LNPK: variants seen among roughly 807,000 people sequenced by gnomAD.
LNPK encodes lunapark, ER junction formation factor.
Under a neutral mutation model 55.2 loss-of-function variants are expected in LNPK, and 29 were observed. The observed-to-expected ratio is 0.53, with a 90% confidence interval of 0.39 to 0.72. The LOEUF is 0.72. LNPK is among the 30% of genes least tolerant of loss of function. LNPK has a pLI of 0.00. For missense variants in LNPK, 467 were observed against 494.8 expected (o/e 0.94, Z 0.53); for synonymous variants, 162 against 168.2 (o/e 0.96, Z 0.29).
intron 5 of LNPK, among the ~76,000 whole-genome samples, chr2:175,971,994 C>T (rs1362872818): frequency 1.3e-5 from 2 of 152,184 alleles, no homozygotes; most frequent in Non-Finnish European, 2.9e-5. Flanking sequence ...TCTCGGCTCA[C>T]TGCAGCCTCT....
At chr2:175,974,539 A>G (rs1686813170) in intron 5 of LNPK, among the ~76,000 whole-genome samples, 1 of 152,168 alleles carries the variant, frequency 6.6e-6, no homozygotes, top group Non-Finnish European at 1.5e-5. Flanking sequence ...TGAAATTTGA[A>G]TTTCATATAA....
chr2:175,938,136 T>C lies in LNPK; in HGVS notation c.883+177A>G, dbSNP rs78063275. On this transcript the variant is annotated intron_variant, in intron 11 of 12. Coordinates refer to ENST00000272748, the MANE Select transcript of LNPK (RefSeq NM_030650.3). ...ACTGGCCTAGGGGCTGTACATTATA[T>C]AGGAAGAAACCTGAATTGTCTTCCC... Among the ~76,000 whole-genome samples, 135 of 152,280 alleles carry C rather than the reference T, an allele frequency of 8.9e-4. 2 individuals carry two copies. In the East Asian group the frequency reaches 0.024, roughly 27 times the overall value.
At chr2:175,967,659 T>C in intron 6 of LNPK, 1 of 984,772 alleles carries the variant, frequency 1.0e-6, no homozygotes, top group Non-Finnish European at 1.2e-6. Flanking sequence ...GAAAATACTG[T>C]CTGGTATCCC....
chr2:175,943,463 CA>C (rs1027385786), intron 9 of LNPK, among the ~76,000 whole-genome samples: 33 of 151,708 alleles, frequency 2.2e-4, no homozygotes, highest in Admixed American at 1.0e-3. Flanking sequence ...AAAAAATAAA[CA>C]AAAAAACCAC....
At chr2:175,938,638 C>A in intron 10 of LNPK, 1 of 257,650 alleles carries the variant, frequency 3.9e-6, no homozygotes, top group Non-Finnish European at 7.3e-6. Context: ...ATGAATATAT[C>A]TTTATTAAAT....
At chr2:175,969,359 T>C (rs1329327390) in intron 6 of LNPK, among the ~76,000 whole-genome samples, 4 of 152,218 alleles carry the variant, frequency 2.6e-5, no homozygotes, top group Non-Finnish European at 5.9e-5. Context: ...ATTTAAAAAG[T>C]AGTAAATAGC....
chr2:175,967,557 C>G (rs1294095930), intron 6 of LNPK: 8 of 742,408 alleles, frequency 1.1e-5, no homozygotes, highest in African/African-American at 1.9e-5. Context: ...TGTAAGAAAA[C>G]TTTCTTTCAT....
intron 8 of LNPK, among the ~76,000 whole-genome samples, chr2:175,957,397 A>G (rs1685748943): frequency 6.6e-6 from 1 of 151,732 alleles, no homozygotes; most frequent in South Asian, 2.1e-4. Context: ...CCAGCCACCT[A>G]CCTATGTCTT....
chr2:175,989,939 C>A (rs1475773211), intron 4 of LNPK, among the ~76,000 whole-genome samples: 1 of 152,132 alleles, frequency 6.6e-6, no homozygotes, highest in African/African-American at 2.4e-5. Flanking sequence ...GATCCATGAC[C>A]TTTCCAGTAA....
intron 5 of LNPK, among the ~76,000 whole-genome samples, chr2:175,978,852 G>A (rs1004687970): frequency 2.0e-5 from 3 of 152,138 alleles, no homozygotes; most frequent in Admixed American, 6.5e-5. Context: ...AGTAGGAAGA[G>A]AAGGAGGAGC....
intron 9 of LNPK, among the ~76,000 whole-genome samples, chr2:175,943,343 A>C (rs71421538): frequency 0.011 from 1,711 of 152,072 alleles, 16 homozygotes; most frequent in Non-Finnish European, 0.018. Context: ...CCAATTCTAC[A>C]CAAATTGTCC....
At chr2:175,939,882 G>A in intron 9 of LNPK, 1 of 358,318 alleles carries the variant, frequency 2.8e-6, no homozygotes, top group Non-Finnish European at 5.0e-6. Context: ...ACCTTTGCTA[G>A]TAGATTCTGT....
At chr2:175,976,273 C>T (rs1686908991) in intron 5 of LNPK, among the ~76,000 whole-genome samples, 1 of 152,124 alleles carries the variant, frequency 6.6e-6, no homozygotes, top group Non-Finnish European at 1.5e-5. Flanking sequence ...AGCAATTGTG[C>T]AAGCAAGAGA....
At chr2:175,956,746 C>G (rs1685714063) in intron 8 of LNPK, among the ~76,000 whole-genome samples, 1 of 152,112 alleles carries the variant, frequency 6.6e-6, no homozygotes, top group Admixed American at 6.5e-5. Flanking sequence ...GTCTTTATTT[C>G]CCTCATAATC....
chr2:175,953,208 C>A (rs1685505445), intron 8 of LNPK, among the ~76,000 whole-genome samples: 1 of 152,074 alleles, frequency 6.6e-6, no homozygotes, highest in South Asian at 2.1e-4. Flanking sequence ...CTTTCTTCAT[C>A]TACTCTTAAA....
chr2:175,997,765 T>C (rs906329506), intron 1 of LNPK, among the ~76,000 whole-genome samples: 13 of 151,152 alleles, frequency 8.6e-5, no homozygotes, highest in Non-Finnish European at 1.9e-4. Flanking sequence ...TGAGACAGGG[T>C]CTCACTGACA....
chr2:175,968,806 A>C (rs1686503791), intron 6 of LNPK, among the ~76,000 whole-genome samples: 1 of 152,106 alleles, frequency 6.6e-6, no homozygotes, highest in African/African-American at 2.4e-5. Context: ...CTTTTAATAA[A>C]ATATCAAGTA....
At chr2:175,995,721 TA>T in intron 1 of LNPK, 75 bp from the exon 2 acceptor site, 1 of 399,000 alleles carries the variant, frequency 2.5e-6, no homozygotes, top group Non-Finnish European at 4.6e-6. Context: ...CAATACTGCC[TA>T]AAAAATGTTA....
At chr2:175,941,536 T>C (rs1209616692) in intron 9 of LNPK, among the ~76,000 whole-genome samples, 5 of 151,672 alleles carry the variant, frequency 3.3e-5, no homozygotes, top group Non-Finnish European at 5.9e-5. Flanking sequence ...CTCATGCCTG[T>C]AATCCCAGCA....
Sources: gnomAD v4.1 joint callset for allele counts (sites outside exome capture counted in the v4.1 genomes callset) on GRCh38, gnomAD v4.1.1 for gene constraint, MANE v1.5 for transcripts, NCBI Gene and HGNC (gene_info 2026-07-23, HGNC 2026-07-21) for gene names.